The following RIF1 variants were observed in gnomAD, a reference collection of about 807,000 sequenced individuals.
RIF1 encodes the protein replication timing regulatory factor 1.
A neutral mutation model predicts 247.1 loss-of-function variants in RIF1; 45 were observed. That is an observed-to-expected ratio of 0.18 (90% CI 0.14 to 0.23). RIF1 has a LOEUF of 0.23. RIF1 is among the 10% of genes least tolerant of loss of function. The pLI, the probability that RIF1 is intolerant of heterozygous loss-of-function variation, is 1.00. For missense variants in RIF1, 2,967 were observed against 2,862.5 expected (o/e 1.04, Z -0.83); for synonymous variants, 1,087 against 978.8 (o/e 1.11, Z -2.06).
rs548001023 is a variant in RIF1, at chr2:151,468,895, A to G, written c.6941+139A>G. The G allele has an allele frequency of 1.2e-5, 8 of 668,126 alleles. No homozygotes were observed. In the African/African-American group the frequency reaches 1.5e-4, roughly 12 times the overall value. 41.4% of individuals were successfully genotyped at this position (668,126 alleles called of 1,614,324 possible). A position where few individuals can be genotyped will look rare whatever the true frequency, so the allele number is the denominator to read the frequency against. On this transcript the variant is annotated intron_variant, in intron 33 of 35. Coordinates refer to ENST00000444746, the MANE Select transcript of RIF1 (RefSeq NM_018151.5). ...CATTTTATTTTTGAAATAAAAATGC[A>G]ACTGAGAAGGTAGGCCAGATAAGGC... is the stretch of plus-strand genomic sequence containing the variant.
rs1319811106 is a variant in RIF1, at chr2:151,446,974, C to A, written c.2244+399C>A. ...TTTTTTTTTTTTTGAGACGGAGTCTCGCTCTGTCGCCCAGGCTGGAGTGCA... is the reference window on the plus strand; with the variant it reads ...TTTTTTTTTTTTTGAGACGGAGTCTAGCTCTGTCGCCCAGGCTGGAGTGCA... On this transcript the variant is annotated intron_variant, in intron 20 of 35. Transcript: ENST00000444746. 2.2e-5 allele frequency among the ~76,000 whole-genome samples: 3 copies of A among 138,528 alleles called. No individual in the cohort carries two copies. In the East Asian group the frequency reaches 6.2e-4, roughly 29 times the overall value. 90.9% of individuals were successfully genotyped at this position (138,528 alleles called of 152,430 possible). A position where few individuals can be genotyped will look rare whatever the true frequency, so the allele number is the denominator to read the frequency against.
chr2:151,458,346 C>T (rs1360453085), intron 24 of RIF1, among the ~76,000 whole-genome samples: 1 of 150,442 alleles, frequency 6.6e-6, no homozygotes, highest in Non-Finnish European at 1.5e-5. Flanking sequence ...GATTCTCCTG[C>T]CTCAGCCTCC....
intron 10 of RIF1, among the ~76,000 whole-genome samples, chr2:151,434,436 A>AATTT (rs1553480932): frequency 1.9e-5 from 2 of 105,460 alleles, no homozygotes. Context: ...TTGGTTTTTG[A>AATTT]ATTTTTTTTT....
chr2:151,443,331 TA>T lies in RIF1; in HGVS notation c.1805+4del. ...GGAATGTGGTGTATCAGATGAAAGG[TA>T]AGTTTGTACTTTAACTTGAAACTTT... On this transcript the variant is annotated splice_donor_region_variant and intron_variant, in intron 17 of 35. Coordinates refer to ENST00000444746, the MANE Select transcript of RIF1 (RefSeq NM_018151.5). The T allele has an allele frequency of 6.4e-7, 1 of 1,567,212 alleles. No homozygotes were observed. Among genetic ancestry groups the T allele is most frequent in the Non-Finnish European group, 8.8e-7 (1 of 1,139,912 alleles).
At chr2:151,450,374 T>C (rs541106736) in intron 20 of RIF1, among the ~76,000 whole-genome samples, 78 of 152,156 alleles carry the variant, frequency 5.1e-4, no homozygotes, top group Non-Finnish European at 1.0e-3. Flanking sequence ...GGATCAGGTA[T>C]CTCCCTGATT....
At chr2:151,483,226 A>G (rs1402988602), downstream of RIF1, 1 of 152,102 alleles carries the variant, frequency 6.6e-6, no homozygotes, top group East Asian at 1.9e-4. Flanking sequence ...TTTGCAGCCT[A>G]CGTGGTAGTG....
At chr2:151,411,207 A>ATT in intron 2 of RIF1, 53 bp from the exon 3 acceptor site, 37 of 909,140 alleles carry the variant, frequency 4.1e-5, no homozygotes, top group Non-Finnish European at 5.6e-5. Context: ...TTTTGAGAGT[A>ATT]TTTTTTTTTT....
rs906545999 is a variant in RIF1, at chr2:151,411,708, G to A, written c.183+370G>A. On this transcript the variant is annotated intron_variant, in intron 3 of 35. Transcript: ENST00000444746. ...GAGCCACTGTGTCCAGCCACTTTTG[G>A]TGGTTTTTAAAAGTTTTGCCAGTTG... is the stretch of plus-strand genomic sequence containing the variant. 3.3e-5 allele frequency among the ~76,000 whole-genome samples: 5 copies of A among 152,212 alleles called. No individual in the cohort carries two copies. In the East Asian group the frequency reaches 7.7e-4, roughly 24 times the overall value.
chr2:151,489,281 T>TA (rs2054041565), intron 9 of RIF1, among the ~76,000 whole-genome samples: 1 of 152,218 alleles, frequency 6.6e-6, no homozygotes, highest in Non-Finnish European at 1.5e-5. Context: ...GGTTTTAAAC[T>TA]AAGAGTTGTG....
intron 6 of RIF1, among the ~76,000 whole-genome samples, chr2:151,418,231 GTC>G (rs1398320535): frequency 6.6e-6 from 1 of 152,098 alleles, no homozygotes; most frequent in East Asian, 1.9e-4. Context: ...TTTTGAGACA[GTC>G]TCACTCTGTT....
At chr2:151,527,499 T>C in the RIF1 span, 1 of 1,613,202 alleles carries the variant, frequency 6.2e-7, no homozygotes, top group African/African-American at 1.3e-5. Context: ...GCTGCAGGGA[T>C]GACTTGGCAG....
intron 27 of RIF1, 77 bp downstream of exon 27, chr2:151,461,366 G>T: frequency 1.1e-5 from 14 of 1,266,144 alleles, no homozygotes; most frequent in Non-Finnish European, 1.3e-5. Flanking sequence ...GTAACTTTGT[G>T]TTTAGAACTA....
At chr2:151,493,390 A>G (rs778196202) in intron 9 of RIF1, 2 of 1,611,978 alleles carry the variant, frequency 1.2e-6, no homozygotes, top group East Asian at 2.2e-5. Context: ...AGCTCTCTCC[A>G]TCTCTGGAGT....
At chr2:151,534,106 CA>C in the RIF1 span, 1 of 815,562 alleles carries the variant, frequency 1.2e-6, no homozygotes, top group Non-Finnish European at 2.0e-6. Flanking sequence ...CAGAACAACC[CA>C]ATATCATAGG....
At chr2:151,418,695 T>C (rs937237123) in intron 6 of RIF1, among the ~76,000 whole-genome samples, 2 of 151,984 alleles carry the variant, frequency 1.3e-5, no homozygotes, top group African/African-American at 2.4e-5. Flanking sequence ...GCCAACATGG[T>C]GAAACCCCAT....
At chr2:151,507,635 A>C in intron 13 of RIF1, 1 of 219,008 alleles carries the variant, frequency 4.6e-6, no homozygotes, top group African/African-American at 2.3e-5. Context: ...ATCCATAAAA[A>C]TACACATATT....
intron 7 of RIF1, 30 bp from the exon 8 acceptor site, chr2:151,422,920 G>C (rs775904810): frequency 8.4e-7 from 1 of 1,190,888 alleles, no homozygotes; most frequent in Non-Finnish European, 1.2e-6. Flanking sequence ...CTAAGAGTCT[G>C]TTTGGTAAAT....
rs1300263692 is a variant in RIF1 at position 151,464,930 on chromosome 2, A to G, written c.5410A>G (p.Asn1804Asp). The G allele has an allele frequency of 3.8e-6, 6 of 1,574,884 alleles. No individual in the cohort carries two copies. The highest frequency in any genetic ancestry group is 5.1e-6 in the Non-Finnish European group (6 of 1,166,998). The change falls in exon 30 of 36, where the codon AAT becomes GAT. Residue 1804 changes from asparagine to aspartate, a missense_variant. Physicochemically the swap from Asn to Asp is conservative, Grantham distance 23. Around this residue, in one of 7 missense-constraint regions of RIF1, gnomAD observed 2,028 missense variants for 1,825.6 expected, o/e 1.11. Transcript: ENST00000444746. ...VNFHLGLKED[N>D]DTINDSLIVS... ...TTTTCATTTGGGTCTCAAAGAGGATAATGATACTATTAATGATTCATTAAT... is the reference window on the plus strand; with the variant it reads ...TTTTCATTTGGGTCTCAAAGAGGATGATGATACTATTAATGATTCATTAAT...
At chr2:151,521,423 G>A in the RIF1 span, among the ~76,000 whole-genome samples, 1 of 152,330 alleles carries the variant, frequency 6.6e-6, no homozygotes, top group South Asian at 2.1e-4. Flanking sequence ...AGAAGTGGAA[G>A]GCCTGCTAAG....
Sources: gnomAD v4.1 joint callset for allele counts (sites outside exome capture counted in the v4.1 genomes callset) on GRCh38, gnomAD v4.1.1 for gene constraint, gnomAD v4.1.1 regional missense constraint, MANE v1.5 for transcripts, NCBI Gene and HGNC (gene_info 2026-07-23, HGNC 2026-07-21) for gene names.